ARL4A: variants seen among roughly 807,000 people sequenced by gnomAD.
ARL4A encodes the protein ARF like GTPase 4A.
ARL4A carries 5 observed loss-of-function variants against 13.9 expected under a neutral mutation model. That is an observed-to-expected ratio of 0.36 (90% CI 0.19 to 0.75). The LOEUF is 0.75. Among genes scored for constraint, ARL4A ranks in the 30% least tolerant of loss-of-function variants. ARL4A has a pLI of 0.53. For synonymous variants in ARL4A, 77 were observed against 84.4 expected (o/e 0.91, Z 0.48); for missense variants, 147 against 225.8 (o/e 0.65, Z 2.24).
chr7:12,687,609 A>C (rs753989497), upstream of ARL4A: 1 of 152,932 alleles, frequency 6.5e-6, no homozygotes, highest in East Asian at 1.9e-4. The surrounding 1 kb of genome is among the most constrained non-coding windows in gnomAD (Gnocchi z 5.6). Flanking sequence ...GTCTGAGTCC[A>C]AGGTTTCTCG....
chr7:12,689,757 G>T lies in ARL4A; in HGVS notation c.*900G>T. On this transcript the variant is annotated 3_prime_UTR_variant, in exon 2 of 2. Transcript: ENST00000651779. Reference sequence around the variant, plus strand: ...ATGAAGAAGGCGATTTAGTCAAGAGGATGTAATTAAAATATGTGGTCTCTA... The same window carrying T: ...ATGAAGAAGGCGATTTAGTCAAGAGTATGTAATTAAAATATGTGGTCTCTA... The T allele has an allele frequency of 6.0e-6, 1 of 166,928 alleles. No homozygotes were observed. The allele number at this position is 166,928 out of a possible 1,614,324, so 10.3% of individuals were successfully genotyped here.
rs539603392 is a variant in ARL4A, at chr7:12,689,298, C to A, written c.*441C>A. 7.4e-5 allele frequency: 13 copies of A among 174,742 alleles called. No individual in the cohort carries two copies. The East Asian group carries it at 2.4e-3, about 32-fold the overall frequency. 10.8% of individuals were successfully genotyped at this position (174,742 alleles called of 1,614,324 possible). A position where few individuals can be genotyped will look rare whatever the true frequency, so the allele number is the denominator to read the frequency against. On this transcript the variant is annotated 3_prime_UTR_variant, in exon 2 of 2. Transcript: ENST00000651779. ...ATGTTAAGGTAGATTAACATATATG[C>A]AGTTATATTGATCACATTGGTCCAA...
Position 12,688,046 on chromosome 7 carries a change from G to C in ARL4A, c.-89-120G>C. On this transcript the variant is annotated intron_variant, in intron 1 of 1. Transcript: ENST00000651779. The surrounding 1 kb of genome is among the most constrained non-coding windows in gnomAD (Gnocchi z 5.2). ...TCATGTACGTTTCATATCTCGTCTG[G>C]TTTGTTTAGCGCAGCAAGTTATAGT... 8.4e-6 allele frequency: 5 copies of C among 594,108 alleles called. No homozygotes were observed. The highest frequency in any genetic ancestry group is 1.4e-5 in the Non-Finnish European group (5 of 362,290). The allele number at this position is 594,108 out of a possible 1,614,324, so 36.8% of individuals were successfully genotyped here. A position where few individuals can be genotyped will look rare whatever the true frequency, so the allele number is the denominator to read the frequency against.
chr7:12,688,671 G>A lies in ARL4A; in HGVS notation c.417G>A (p.Arg139=), dbSNP rs1347765635. The A allele has an allele frequency of 6.2e-7, 1 of 1,613,818 alleles. No homozygotes were observed. The highest frequency in any genetic ancestry group is 1.7e-5 in the Admixed American group (1 of 59,994). ...VLIVANKQDL[R]NSLSLSEIEK... ...TAGTTGCTAACAAACAAGATTTGAG[G>A]AACTCATTGTCACTTTCAGAAATTG... is the stretch of plus-strand genomic sequence containing the variant. The change falls in exon 2 of 2, where the codon AGG becomes AGA. Residue 139 remains arginine, a synonymous_variant. Coordinates refer to ENST00000651779, the MANE Select transcript of ARL4A (RefSeq NM_005738.5). This position sits in a 1 kb window ranked among gnomAD's most constrained non-coding sequence, Gnocchi z 5.2.
chr7:12,688,907 T>A lies in ARL4A; in HGVS notation c.*50T>A, dbSNP rs1179841611. ...TGGAGTAGGTTTTCTCTGGTCTGAT[T>A]TTGACAAATAGAAGAGTGTCTACAG... is the stretch of plus-strand genomic sequence containing the variant. On this transcript the variant is annotated 3_prime_UTR_variant, in exon 2 of 2. Coordinates refer to ENST00000651779, the MANE Select transcript of ARL4A (RefSeq NM_005738.5). This position sits in a 1 kb window ranked among gnomAD's most constrained non-coding sequence, Gnocchi z 5.2. 2.0e-6 allele frequency: 3 copies of A among 1,519,094 alleles called. No homozygotes were observed. Among genetic ancestry groups the A allele is most frequent in the Non-Finnish European group, 2.7e-6 (3 of 1,128,576 alleles). The allele number at this position is 1,519,094 out of a possible 1,614,324, so 94.1% of individuals were successfully genotyped here. A position where few individuals can be genotyped will look rare whatever the true frequency, so the allele number is the denominator to read the frequency against.
Position 12,690,685 on chromosome 7 carries a change from T to C in ARL4A, c.*1828T>C, listed in dbSNP as rs80185956. 2 of 162,230 alleles carry C rather than the reference T, an allele frequency of 1.2e-5. No individual in the cohort carries two copies. Among genetic ancestry groups the C allele is most frequent in the Non-Finnish European group, 2.9e-5 (2 of 67,812 alleles). 10.0% of individuals were successfully genotyped at this position (162,230 alleles called of 1,614,324 possible). ...TCATGGTATCTGCTGCAAACATGAG[T>C]AGATCCATGATGGATTAATAAAGCT... On this transcript the variant is annotated 3_prime_UTR_variant, in exon 2 of 2. Coordinates refer to ENST00000651779, the MANE Select transcript of ARL4A (RefSeq NM_005738.5).
upstream of ARL4A, chr7:12,687,345 C>A (rs1333443557): frequency 6.6e-6 from 1 of 152,214 alleles, no homozygotes; most frequent in African/African-American, 2.4e-5. The surrounding 1 kb of genome is among the most constrained non-coding windows in gnomAD (Gnocchi z 5.6). Context: ...GGCAGCCTGG[C>A]GGCGACCTGA....
Position 12,688,686 on chromosome 7 carries a change from T to G in ARL4A, c.432T>G (p.Leu144=). Residue 144 remains leucine, a synonymous_variant, in exon 2 of 2, where the codon CTT becomes CTG. Transcript: ENST00000651779. This position sits in a 1 kb window ranked among gnomAD's most constrained non-coding sequence, Gnocchi z 5.2. Reference sequence around the variant, plus strand: ...AAGATTTGAGGAACTCATTGTCACTTTCAGAAATTGAGAAATTGTTAGCAA... The same window carrying G: ...AAGATTTGAGGAACTCATTGTCACTGTCAGAAATTGAGAAATTGTTAGCAA... ...NKQDLRNSLS[L]SEIEKLLAMG... is the part of the protein sequence containing the mutation. 1 of 1,613,982 alleles carries G rather than the reference T, an allele frequency of 6.2e-7. No individual in the cohort carries two copies. The highest frequency in any genetic ancestry group is 8.5e-7 in the Non-Finnish European group (1 of 1,179,870).
chr7:12,689,574 C>T lies in ARL4A; in HGVS notation c.*717C>T, dbSNP rs1400626993. ...TTAGAAATAGCTATGCATCGTTCTA[C>T]ACAGGTTTAAAACAACTTTTTTGGG... On this transcript the variant is annotated 3_prime_UTR_variant, in exon 2 of 2. Coordinates refer to ENST00000651779, the MANE Select transcript of ARL4A (RefSeq NM_005738.5). The T allele has an allele frequency of 6.0e-6, 1 of 166,262 alleles. No individual in the cohort carries two copies. The highest frequency in any genetic ancestry group is 1.9e-4 in the East Asian group (1 of 5,204). 10.3% of individuals were successfully genotyped at this position (166,262 alleles called of 1,614,324 possible). A position where few individuals can be genotyped will look rare whatever the true frequency, so the allele number is the denominator to read the frequency against.
Position 12,690,213 on chromosome 7 carries a change from G to A in ARL4A, c.*1356G>A, listed in dbSNP as rs1784595978. 1 of 166,614 alleles carries A rather than the reference G, an allele frequency of 6.0e-6. No homozygotes were observed. The highest frequency in any genetic ancestry group is 1.5e-5 in the Non-Finnish European group (1 of 68,022). 10.3% of individuals were successfully genotyped at this position (166,614 alleles called of 1,614,324 possible). A position where few individuals can be genotyped will look rare whatever the true frequency, so the allele number is the denominator to read the frequency against. On this transcript the variant is annotated 3_prime_UTR_variant, in exon 2 of 2. Transcript: ENST00000651779. ...TTTACTAAATCAGCTTATTTTTTAT[G>A]TCTAAAGCAACAGCTGTTCTGAAAA...
chr7:12,688,439 C>T lies in ARL4A; in HGVS notation c.185C>T (p.Thr62Ile), dbSNP rs916852131. ...TTTAACACTGAGAAAATTAAGGTAA[C>T]CTTGGGAAATTCTAAAACAGTCACT... Reference protein sequence around the residue: ...KGFNTEKIKVTLGNSKTVTFH... With the variant: ...KGFNTEKIKVILGNSKTVTFH... Residue 62 changes from threonine (T) to isoleucine (I), a missense_variant, in exon 2 of 2, where the codon ACC (threonine) becomes ATC (isoleucine). Physicochemically the swap from Thr to Ile is moderately conservative, Grantham distance 89. Transcript: ENST00000651779. This position sits in a 1 kb window ranked among gnomAD's most constrained non-coding sequence, Gnocchi z 5.2. 3 of 1,613,170 alleles carry T rather than the reference C, an allele frequency of 1.9e-6. No individual in the cohort carries two copies. Among genetic ancestry groups the T allele is most frequent in the African/African-American group, 1.3e-5 (1 of 74,874 alleles).
chr7:12,688,097 C>G lies in ARL4A; in HGVS notation c.-89-69C>G. The G allele has an allele frequency of 8.9e-7, 1 of 1,123,736 alleles. No individual in the cohort carries two copies. The highest frequency in any genetic ancestry group is 1.2e-6 in the Non-Finnish European group (1 of 807,000). 69.6% of individuals were successfully genotyped at this position (1,123,736 alleles called of 1,614,324 possible). A position where few individuals can be genotyped will look rare whatever the true frequency, so the allele number is the denominator to read the frequency against. ...AAGTTCTTCGTGTTGTTTATTTTAG[C>G]AAAGTAGAGCAAACCTGTTTTAATG... On this transcript the variant is annotated intron_variant, in intron 1 of 1. Transcript: ENST00000651779. The surrounding 1 kb of genome is among the most constrained non-coding windows in gnomAD (Gnocchi z 5.2).
rs965022983 is a variant in ARL4A, at chr7:12,687,941, G to A, written c.-90+213G>A. Reference sequence around the variant, plus strand: ...AGGTTTGGGGACCCAGGAGAAAAACGTACATATTACTGCAATTTAAGTAAA... The same window carrying A: ...AGGTTTGGGGACCCAGGAGAAAAACATACATATTACTGCAATTTAAGTAAA... On this transcript the variant is annotated intron_variant, in intron 1 of 1. Transcript: ENST00000651779. The surrounding 1 kb of genome is among the most constrained non-coding windows in gnomAD (Gnocchi z 5.6). Among the ~76,000 whole-genome samples, 2 of 152,148 alleles carry A rather than the reference G, an allele frequency of 1.3e-5. No homozygotes were observed. The highest frequency in any genetic ancestry group is 2.9e-5 in the Non-Finnish European group (2 of 68,028).
At position 12,688,771 on chromosome 7, in the gene ARL4A, G is replaced by C; in HGVS notation, c.517G>C (p.Asp173His). 1 of 1,613,940 alleles carries C rather than the reference G, an allele frequency of 6.2e-7. No individual in the cohort carries two copies. Among genetic ancestry groups the C allele is most frequent in the East Asian group, 2.2e-5 (1 of 44,874 alleles). ...HLQPTCAIIG[D>H]GLKEGLEKLH... is the part of the protein sequence containing the mutation. ...GCAGCCTACCTGTGCAATCATAGGA[G>C]ATGGCCTAAAGGAAGGACTTGAGAA... is the stretch of plus-strand genomic sequence containing the variant. Residue 173 changes from aspartate to histidine, a missense_variant, in exon 2 of 2, where the codon GAT (aspartate) becomes CAT (histidine). Asp to His is a moderately conservative substitution (Grantham distance 81). Transcript: ENST00000651779. The surrounding 1 kb of genome is among the most constrained non-coding windows in gnomAD (Gnocchi z 5.2).
chr7:12,688,183 C>CA lies in ARL4A; in HGVS notation c.-71dup, dbSNP rs1486163464. ...TCTCCCAGCAGTCTTATAGCTGGAT[C>CA]AGCTACCAAGAGAAGTTGTAAACCA... On this transcript the variant is annotated 5_prime_UTR_variant, in exon 2 of 2. Coordinates refer to ENST00000651779, the MANE Select transcript of ARL4A (RefSeq NM_005738.5). This position sits in a 1 kb window ranked among gnomAD's most constrained non-coding sequence, Gnocchi z 5.2. 2 of 1,509,996 alleles carry CA rather than the reference C, an allele frequency of 1.3e-6. No homozygotes were observed. Among genetic ancestry groups the CA allele is most frequent in the African/African-American group, 1.4e-5 (1 of 71,500 alleles). 93.5% of individuals were successfully genotyped at this position (1,509,996 alleles called of 1,614,324 possible).
At position 12,689,857 on chromosome 7, in the gene ARL4A, T is replaced by G. The variant is rs2115333506; in HGVS notation, c.*1000T>G. The G allele has an allele frequency of 6.0e-6, 1 of 167,044 alleles. No individual in the cohort carries two copies. The highest frequency in any genetic ancestry group is 1.9e-4 in the East Asian group (1 of 5,192). 10.3% of individuals were successfully genotyped at this position (167,044 alleles called of 1,614,324 possible). A position where few individuals can be genotyped will look rare whatever the true frequency, so the allele number is the denominator to read the frequency against. ...AACAAATGTGGTTTTTATATATTTT[T>G]GTAGTGTGTTGAGAAGAGCAAAAGC... is the stretch of plus-strand genomic sequence containing the variant. On this transcript the variant is annotated 3_prime_UTR_variant, in exon 2 of 2. Transcript: ENST00000651779.
chr7:12,689,088 T>C lies in ARL4A; in HGVS notation c.*231T>C. The C allele has an allele frequency of 2.2e-6, 1 of 449,866 alleles. No homozygotes were observed. The highest frequency in any genetic ancestry group is 4.1e-6 in the Non-Finnish European group (1 of 243,114). The allele number at this position is 449,866 out of a possible 1,614,324, so 27.9% of individuals were successfully genotyped here. A position where few individuals can be genotyped will look rare whatever the true frequency, so the allele number is the denominator to read the frequency against. ...CCCACAAATCTTTTGGTACTACCAT[T>C]TGGGGAAGCCAAGCAAGGATAGTAA... On this transcript the variant is annotated 3_prime_UTR_variant, in exon 2 of 2. Coordinates refer to ENST00000651779, the MANE Select transcript of ARL4A (RefSeq NM_005738.5).
chr7:12,689,450 A>G lies in ARL4A; in HGVS notation c.*593A>G, dbSNP rs896194144. On this transcript the variant is annotated 3_prime_UTR_variant, in exon 2 of 2. Transcript: ENST00000651779. Reference sequence around the variant, plus strand: ...ATAGCTTAATTCTAGACAATGTTTAAGTTGGTCTACCTTTATTAAAAATAA... The same window carrying G: ...ATAGCTTAATTCTAGACAATGTTTAGGTTGGTCTACCTTTATTAAAAATAA... 1 of 167,242 alleles carries G rather than the reference A, an allele frequency of 6.0e-6. No individual in the cohort carries two copies. Among genetic ancestry groups the G allele is most frequent in the Non-Finnish European group, 1.5e-5 (1 of 68,278 alleles). The allele number at this position is 167,242 out of a possible 1,614,324, so 10.4% of individuals were successfully genotyped here.
Position 12,689,479 on chromosome 7 carries a change from A to G in ARL4A, c.*622A>G. 1 of 167,254 alleles carries G rather than the reference A, an allele frequency of 6.0e-6. No homozygotes were observed. 10.4% of individuals were successfully genotyped at this position (167,254 alleles called of 1,614,324 possible). ...GGTCTACCTTTATTAAAAATAAGAT[A>G]TTTGGGGTATATTCAAGTGCATGGA... On this transcript the variant is annotated 3_prime_UTR_variant, in exon 2 of 2. Coordinates refer to ENST00000651779, the MANE Select transcript of ARL4A (RefSeq NM_005738.5).
Sources: gnomAD v4.1 joint callset for allele counts (sites outside exome capture counted in the v4.1 genomes callset) on GRCh38, gnomAD v4.1.1 for gene constraint, Gnocchi (gnomAD v3.1) non-coding constraint, MANE v1.5 for transcripts, NCBI Gene and HGNC (gene_info 2026-07-23, HGNC 2026-07-21) for gene names.